Variants in COL19A1 observed in about 807,000 individuals in gnomAD.
COL19A1 encodes collagen type XIX alpha 1 chain.
Under a neutral mutation model 190.2 loss-of-function variants are expected in COL19A1, and 159 were observed. That is an observed-to-expected ratio of 0.84 (90% CI 0.73 to 0.95). The LOEUF is 0.95. COL19A1 is among the 40% of genes least tolerant of loss of function. The pLI is 0.00. For synonymous variants in COL19A1, 509 were observed against 458.9 expected (o/e 1.11, Z -1.39); for missense variants, 1,418 against 1,431.9 (o/e 0.99, Z 0.16).
chr6:70,136,483 T>C (rs1785882220), intron 18 of COL19A1, among the ~76,000 whole-genome samples: 1 of 152,188 alleles, frequency 6.6e-6, no homozygotes, highest in African/African-American at 2.4e-5. Context: ...TATGTATCAA[T>C]AGAGATGGAT....
chr6:69,937,633 G>A (rs893836129), intron 8 of COL19A1, among the ~76,000 whole-genome samples: 4 of 152,100 alleles, frequency 2.6e-5, no homozygotes, highest in Admixed American at 2.0e-4. Context: ...ACATGTCATC[G>A]ACTTACTCAT....
At chr6:70,021,782 ATTTT>A (rs1428516081) in intron 11 of COL19A1, among the ~76,000 whole-genome samples, 13 of 152,126 alleles carry the variant, frequency 8.5e-5, no homozygotes, top group Non-Finnish European at 1.8e-4. Flanking sequence ...GAGGAACTGA[ATTTT>A]ACATTTAATT....
chr6:69,908,645 A>G (rs534771437), intron 4 of COL19A1, among the ~76,000 whole-genome samples: 22 of 152,312 alleles, frequency 1.4e-4, no homozygotes, highest in African/African-American at 5.3e-4. Flanking sequence ...ATGTAATGTA[A>G]TATGAAATAT....
intron 11 of COL19A1, among the ~76,000 whole-genome samples, chr6:69,982,826 G>A (rs912778814): frequency 2.0e-5 from 3 of 151,162 alleles, no homozygotes; most frequent in African/African-American, 7.3e-5. Flanking sequence ...CAAAAAATTA[G>A]CCGGGCTTGG....
At chr6:70,168,288 C>A in intron 39 of COL19A1, 73 bp downstream of exon 39, 1 of 1,488,102 alleles carries the variant, frequency 6.7e-7, no homozygotes, top group African/African-American at 1.4e-5. Flanking sequence ...ATAAAAACCT[C>A]TTAAGTTCAC....
At chr6:70,184,482 G>A (rs1215102975) in intron 44 of COL19A1, among the ~76,000 whole-genome samples, 1 of 152,090 alleles carries the variant, frequency 6.6e-6, no homozygotes, top group Non-Finnish European at 1.5e-5. Flanking sequence ...TTGAGGTTAA[G>A]TAAATTGCCC....
chr6:70,037,097 T>A (rs1005555268), intron 14 of COL19A1, among the ~76,000 whole-genome samples: 3 of 152,116 alleles, frequency 2.0e-5, no homozygotes, highest in African/African-American at 7.2e-5. Flanking sequence ...AGAAAGACTA[T>A]TTTTTTGAGA....
chr6:70,143,620 A>C (rs957304871), intron 23 of COL19A1, among the ~76,000 whole-genome samples: 1 of 151,832 alleles, frequency 6.6e-6, no homozygotes. Context: ...TCTCCTGTCT[A>C]CTAGTCGGTG....
intron 16 of COL19A1, among the ~76,000 whole-genome samples, chr6:70,117,097 C>T (rs1242486717): frequency 6.6e-6 from 1 of 152,060 alleles, no homozygotes; most frequent in African/African-American, 2.4e-5. Context: ...AGTGAGCAGG[C>T]GATTTGACTA....
At position 70,104,812 on chromosome 6, in the gene COL19A1, G is replaced by A. The variant is rs116456574; in HGVS notation, c.1278+2590G>A. Among the ~76,000 whole-genome samples the A allele has an allele frequency of 5.7e-3, 872 of 152,274 alleles. 9 individuals are homozygous for A. Among genetic ancestry groups the A allele is most frequent in the African/African-American group, 0.02 (839 of 41,560 alleles). On this transcript the variant is annotated intron_variant, in intron 16 of 50. Transcript: ENST00000620364. ...CAGGCTAATTGTTGTCTCAAAGGAG[G>A]AATTTGAATGTTGAAGGCCTTTATG... is the stretch of plus-strand genomic sequence containing the variant.
chr6:69,893,409 T>A (rs919167567), intron 2 of COL19A1, among the ~76,000 whole-genome samples: 1 of 152,198 alleles, frequency 6.6e-6, no homozygotes, highest in East Asian at 1.9e-4. Flanking sequence ...ACAAAAAAGT[T>A]TGGTTATCTC....
At chr6:69,951,617 T>C in intron 9 of COL19A1, among the ~76,000 whole-genome samples, 1 of 151,912 alleles carries the variant, frequency 6.6e-6, no homozygotes, top group East Asian at 1.9e-4. Flanking sequence ...AGTGAATTCC[T>C]CACTTATTAT....
At chr6:69,932,611 A>C (rs1394073528) in intron 6 of COL19A1, among the ~76,000 whole-genome samples, 172 bp from the exon 7 acceptor site, 2 of 152,066 alleles carry the variant, frequency 1.3e-5, no homozygotes, top group African/African-American at 4.8e-5. Context: ...TATGTCTCTC[A>C]AGTAGTCCAC....
intron 9 of COL19A1, among the ~76,000 whole-genome samples, chr6:69,951,301 C>A (rs1275447992): frequency 6.6e-6 from 1 of 151,886 alleles, no homozygotes; most frequent in Non-Finnish European, 1.5e-5. Context: ...CTACTTCTAG[C>A]TTTATCTTAA....
chr6:70,159,147 C>CA (rs3840404), intron 34 of COL19A1, among the ~76,000 whole-genome samples: 34,484 of 135,238 alleles, frequency 0.25, 4,027 homozygotes, highest in Non-Finnish European at 0.29. Flanking sequence ...CTAAAAGTAG[C>CA]AAAAAAAAAA....
intron 14 of COL19A1, among the ~76,000 whole-genome samples, chr6:70,046,435 A>T (rs940617034): frequency 6.6e-6 from 1 of 152,138 alleles, no homozygotes; most frequent in Non-Finnish European, 1.5e-5. Context: ...CTCTCATTGC[A>T]TTTCTGACTT....
intron 25 of COL19A1, among the ~76,000 whole-genome samples, chr6:70,145,403 C>A (rs918826498): frequency 5.3e-5 from 8 of 152,088 alleles, no homozygotes; most frequent in African/African-American, 1.7e-4. Flanking sequence ...GGCCATTATC[C>A]TAAGCAAATT....
intron 36 of COL19A1, among the ~76,000 whole-genome samples, chr6:70,164,502 G>A (rs557316830): frequency 4.6e-5 from 7 of 152,248 alleles, no homozygotes; most frequent in African/African-American, 1.4e-4. Flanking sequence ...CTTTATTCTA[G>A]ATAGTCTCTG....
chr6:70,000,978 C>A (rs1043080015), intron 11 of COL19A1, among the ~76,000 whole-genome samples: 4 of 152,102 alleles, frequency 2.6e-5, no homozygotes, highest in Admixed American at 2.0e-4. Context: ...CCTAGGTTTT[C>A]TTCTAGGGTT....
Sources: allele counts gnomAD v4.1 joint callset (sites outside exome capture counted in the v4.1 genomes callset), GRCh38; gene constraint gnomAD v4.1.1; transcripts MANE v1.5; gene names NCBI Gene and HGNC (gene_info 2026-07-23, HGNC 2026-07-21).